ERI3: variants seen among roughly 807,000 people sequenced by gnomAD.
ERI3 encodes ERI1 exoribonuclease 3.
Under a neutral mutation model 44.4 loss-of-function variants are expected in ERI3, and 18 were observed. The ratio of observed to expected loss-of-function variants is 0.41; its 90% confidence interval spans 0.28 to 0.60. The LOEUF is 0.60. Ranked by LOEUF, ERI3 falls within the 20% of genes least tolerant of loss-of-function variation. The pLI is 0.36. For missense variants in ERI3, 294 were observed against 435.5 expected (o/e 0.68, Z 2.89); for synonymous variants, 183 against 164.8 (o/e 1.11, Z -0.84).
rs1646968941 is a variant in ERI3 at position 44,354,984 on chromosome 1, G to A, written c.43C>T (p.Pro15Ser). Residue 15 changes from proline (P) to serine (S), a missense_variant, in exon 1 of 9, where the codon CCC becomes TCC. Pro to Ser is a moderately conservative substitution (Grantham distance 74, BLOSUM62 -1). Transcript: ENST00000372257. ...CAGGAGACCAGCCCTCCTTCCCAGG[G>A]CCGCCCCCGCCCCCCGTCAGCAGCG... is the stretch of plus-strand genomic sequence containing the variant. Reference protein sequence around the residue: ...SPAADGGRGRPWEGGLVSWPP... With the variant: ...SPAADGGRGRSWEGGLVSWPP... The A allele has an allele frequency of 1.5e-6, 2 of 1,369,778 alleles. No homozygotes were observed. Among genetic ancestry groups the A allele is most frequent in the East Asian group, 2.8e-5 (1 of 35,962 alleles). The allele number at this position is 1,369,778 out of a possible 1,614,324, so 84.9% of individuals were successfully genotyped here.
At chr1:44,267,315 T>C (rs2154320955) in intron 7 of ERI3, among the ~76,000 whole-genome samples, 1 of 152,236 alleles carries the variant, frequency 6.6e-6, no homozygotes, top group East Asian at 1.9e-4. Context: ...TTCCATATCA[T>C]CCTTCTGGTT....
chr1:44,248,683 A>G (rs1345736011), intron 7 of ERI3, among the ~76,000 whole-genome samples: 2 of 143,844 alleles, frequency 1.4e-5, no homozygotes, highest in African/African-American at 5.4e-5. Context: ...GTGTGTGTGT[A>G]TGTATGTGTG....
chr1:44,354,897 G>A lies in ERI3; in HGVS notation c.130C>T (p.Pro44Ser). ...GGCCATTCAGCATCACCCACCCCGG[G>A]GTGTTGCCCCCAACTCGGGCCCATC... Reference protein sequence around the residue: ...TWMGPSWGQHPGHWGFPALTE... With the variant: ...TWMGPSWGQHSGHWGFPALTE... The change falls in exon 1 of 9, where the codon CCC (proline) becomes TCC (serine). Residue 44 changes from proline (P) to serine (S), a missense_variant. By Grantham distance (74) the Pro-to-Ser change is moderately conservative. Around this residue, in one of 2 missense-constraint regions of ERI3, gnomAD observed 107 missense variants for 96.9 expected, o/e 1.10. Coordinates refer to ENST00000372257, the MANE Select transcript of ERI3 (RefSeq NM_024066.3). The A allele has an allele frequency of 1.5e-6, 2 of 1,317,018 alleles. No homozygotes were observed. Among genetic ancestry groups the A allele is most frequent in the Non-Finnish European group, 2.0e-6 (2 of 1,024,158 alleles). 81.6% of individuals were successfully genotyped at this position (1,317,018 alleles called of 1,614,324 possible). A position where few individuals can be genotyped will look rare whatever the true frequency, so the allele number is the denominator to read the frequency against.
At chr1:44,279,623 C>A (rs1645246579) in intron 7 of ERI3, among the ~76,000 whole-genome samples, 1 of 152,160 alleles carries the variant, frequency 6.6e-6, no homozygotes, top group Admixed American at 6.5e-5. Flanking sequence ...AACACATATG[C>A]CCCACAATGA....
rs1645016753 is a variant in ERI3, at chr1:44,267,742, G to A, written c.831+17093C>T. Among the ~76,000 whole-genome samples the A allele has an allele frequency of 2.0e-5, 3 of 152,200 alleles. No homozygotes were observed. In the South Asian group the frequency reaches 6.2e-4, roughly 32 times the overall value. ...AACATAAGACCTGGTTGTGGTGCTGGGGACAGGCCACTGACAGCTGCCATA... is the reference window on the plus strand; with the variant it reads ...AACATAAGACCTGGTTGTGGTGCTGAGGACAGGCCACTGACAGCTGCCATA... On this transcript the variant is annotated intron_variant, in intron 7 of 8. Coordinates refer to ENST00000372257, the MANE Select transcript of ERI3 (RefSeq NM_024066.3).
intron 3 of ERI3, among the ~76,000 whole-genome samples, chr1:44,325,462 A>C (rs1389791724): frequency 6.6e-6 from 1 of 152,162 alleles, no homozygotes; most frequent in Non-Finnish European, 1.5e-5. Flanking sequence ...TTTCAAATGA[A>C]ATTTCACACC....
intron 7 of ERI3, among the ~76,000 whole-genome samples, chr1:44,256,356 C>A (rs1447015124): frequency 6.6e-6 from 1 of 152,194 alleles, no homozygotes; most frequent in Non-Finnish European, 1.5e-5. Context: ...TCCTCCTTTT[C>A]TGTACTCTCA....
At chr1:44,333,436 C>G (rs990129529) in intron 3 of ERI3, among the ~76,000 whole-genome samples, 1 of 152,210 alleles carries the variant, frequency 6.6e-6, no homozygotes, top group African/African-American at 2.4e-5. Flanking sequence ...CCATCCCTCC[C>G]CACTGGAGGA....
intron 8 of ERI3, among the ~76,000 whole-genome samples, chr1:44,236,655 G>A (rs539461354): frequency 4.2e-4 from 64 of 152,182 alleles, no homozygotes; most frequent in African/African-American, 1.5e-3. Flanking sequence ...AGGGAAGGGC[G>A]TGGAGTGTGG....
rs1645685330 is a variant in ERI3, at chr1:44,299,728, T to TC, written c.758+8581dup. Among the ~76,000 whole-genome samples, 4 of 151,746 alleles carry TC rather than the reference T, an allele frequency of 2.6e-5. No homozygotes were observed. The South Asian group carries it at 8.4e-4, about 32-fold the overall frequency. ...AAAATACAAAAGAGTAGAGCCCGGG[T>TC]CCCCCACCTAGGAGGTTGTGGCCTG... On this transcript the variant is annotated intron_variant, in intron 6 of 8. Coordinates refer to ENST00000372257, the MANE Select transcript of ERI3 (RefSeq NM_024066.3).
At chr1:44,304,068 T>C (rs1342877636) in intron 6 of ERI3, among the ~76,000 whole-genome samples, 2 of 152,076 alleles carry the variant, frequency 1.3e-5, no homozygotes, top group East Asian at 1.9e-4. Context: ...TGCCAGTCAT[T>C]ATTTGAGGGA....
At chr1:44,324,751 G>C (rs1646274002) in intron 3 of ERI3, among the ~76,000 whole-genome samples, 1 of 152,038 alleles carries the variant, frequency 6.6e-6, no homozygotes. Context: ...CAAAGTGTTG[G>C]GATTACAGGC....
At chr1:44,345,623 C>A (rs1408895076) in intron 2 of ERI3, among the ~76,000 whole-genome samples, 1 of 152,198 alleles carries the variant, frequency 6.6e-6, no homozygotes, top group African/African-American at 2.4e-5. Flanking sequence ...TAATACCTGT[C>A]TGGAACTCAG....
upstream of ERI3, chr1:44,355,279 G>C: frequency 8.8e-7 from 1 of 1,133,346 alleles, no homozygotes; most frequent in South Asian, 4.4e-5. Flanking sequence ...CTCTGACCCC[G>C]ACCGACGCGG....
At chr1:44,276,332 G>A (rs1455257116) in intron 7 of ERI3, among the ~76,000 whole-genome samples, 1 of 152,244 alleles carries the variant, frequency 6.6e-6, no homozygotes, top group Non-Finnish European at 1.5e-5. Flanking sequence ...TATGTGCAGT[G>A]TGCACACACT....
At position 44,289,130 on chromosome 1, in the gene ERI3, A is replaced by G. The variant is rs182340688; in HGVS notation, c.759-4223T>C. ...TTTCCCCTTCTTTATGAGGGCCGGA[A>G]TGACATCACTGATGGCCAATAGAAA... On this transcript the variant is annotated intron_variant, in intron 6 of 8. Transcript: ENST00000372257. Among the ~76,000 whole-genome samples the G allele has an allele frequency of 1.1e-3, 171 of 152,336 alleles. 1 individual carries two copies. The highest frequency in any genetic ancestry group is 3.9e-3 in the African/African-American group (161 of 41,580).
intron 7 of ERI3, among the ~76,000 whole-genome samples, chr1:44,272,310 A>G (rs989233215): frequency 6.6e-6 from 1 of 152,186 alleles, no homozygotes; most frequent in Non-Finnish European, 1.5e-5. Context: ...CATCATTTAC[A>G]GGTTCAGAGA....
At chr1:44,242,085 CAAT>C (rs1644451081) in intron 8 of ERI3, 13 of 985,406 alleles carry the variant, frequency 1.3e-5, no homozygotes, top group Non-Finnish European at 1.4e-5. Context: ...CAGACCCTGT[CAAT>C]GATGGGAGAG....
chr1:44,232,566 C>T (rs1225715734), intron 8 of ERI3, among the ~76,000 whole-genome samples: 3 of 152,216 alleles, frequency 2.0e-5, no homozygotes, highest in Non-Finnish European at 4.4e-5. Context: ...CTGCCATTCT[C>T]GGCATGTGGT....
Sources: allele counts gnomAD v4.1 joint callset (sites outside exome capture counted in the v4.1 genomes callset), GRCh38; gene constraint gnomAD v4.1.1; regional missense constraint gnomAD v4.1.1; transcripts MANE v1.5; gene names NCBI Gene and HGNC (gene_info 2026-07-23, HGNC 2026-07-21).